Variants in CRTAP observed in about 807,000 individuals in gnomAD.
The protein encoded by CRTAP is cartilage-associated protein.
In CRTAP, 33 loss-of-function variants were observed where a neutral mutation model predicts 42.7. That is an observed-to-expected ratio of 0.77 (90% CI 0.59 to 1.03). The LOEUF is 1.03. CRTAP is among the 50% of genes least tolerant of loss of function. The pLI is 0.00. For synonymous variants in CRTAP, 243 were observed against 217.7 expected (o/e 1.12, Z -1.02); for missense variants, 613 against 533.9 (o/e 1.15, Z -1.46).
At chr3:33,135,610 A>G (rs1007419419) in intron 6 of CRTAP, among the ~76,000 whole-genome samples, 1 of 151,612 alleles carries the variant, frequency 6.6e-6, no homozygotes, top group African/African-American at 2.4e-5. Flanking sequence ...CTGCCTCAAA[A>G]AAAAAAAAAA....
At position 33,114,260 on chromosome 3, in the gene CRTAP, C is replaced by T; in HGVS notation, c.183C>T (p.Ala61=). 2 of 1,585,034 alleles carry T rather than the reference C, an allele frequency of 1.3e-6. No homozygotes were observed. Among genetic ancestry groups the T allele is most frequent in the Non-Finnish European group, 1.7e-6 (2 of 1,172,246 alleles). ...ALDKYSGEHW[A]ESVGYLEISL... is the part of the protein sequence containing the mutation. ...ACAAGTACAGCGGCGAGCACTGGGC[C>T]GAGAGCGTGGGCTACCTGGAGATCA... is the stretch of plus-strand genomic sequence containing the variant. Residue 61 remains alanine (A), a synonymous_variant, in exon 1 of 7, where the codon GCC becomes GCT. Coordinates refer to ENST00000320954, the MANE Select transcript of CRTAP (RefSeq NM_006371.5).
chr3:33,117,517 A>G (rs1701357098), intron 1 of CRTAP, among the ~76,000 whole-genome samples: 1 of 152,154 alleles, frequency 6.6e-6, no homozygotes. Flanking sequence ...CGAAAAACTC[A>G]TTTTTCTCAT....
intron 1 of CRTAP, among the ~76,000 whole-genome samples, chr3:33,116,729 T>A (rs1299771885): frequency 1.3e-5 from 2 of 152,208 alleles, no homozygotes; most frequent in Non-Finnish European, 2.9e-5. Context: ...TTAATAAACG[T>A]GAATGTTACT....
At position 33,114,221 on chromosome 3, in the gene CRTAP, C is replaced by A. The variant is rs1381241803; in HGVS notation, c.144C>A (p.Tyr48Ter). 6.3e-7 allele frequency: 1 copy of A among 1,592,746 alleles called. No individual in the cohort carries two copies. Among genetic ancestry groups the A allele is most frequent in the Non-Finnish European group, 8.5e-7 (1 of 1,175,708 alleles). Reference protein sequence around the residue: ...RDELMPLESAYRHALDKYSGE... With the variant: ...RDELMPLESA Reference sequence around the variant, plus strand: ...AGCTGATGCCGCTCGAGTCGGCCTACCGGCACGCGCTGGACAAGTACAGCG... The same window carrying A: ...AGCTGATGCCGCTCGAGTCGGCCTAACGGCACGCGCTGGACAAGTACAGCG... Residue 48 changes from tyrosine to a stop codon, truncating the protein, a stop_gained, in exon 1 of 7, where the codon TAC (tyrosine) becomes TAA (stop). Coordinates refer to ENST00000320954, the MANE Select transcript of CRTAP (RefSeq NM_006371.5). LOFTEE classifies it high-confidence loss of function.
chr3:33,116,766 GAA>G (rs1701347444), intron 1 of CRTAP, among the ~76,000 whole-genome samples: 1 of 152,168 alleles, frequency 6.6e-6, no homozygotes, highest in African/African-American at 2.4e-5. Flanking sequence ...AGATATAACT[GAA>G]AAAGTAATTT....
intron 1 of CRTAP, 92 bp downstream of exon 1, chr3:33,114,640 C>A: frequency 8.0e-7 from 1 of 1,253,726 alleles, no homozygotes; most frequent in Non-Finnish European, 1.1e-6. Flanking sequence ...GGCCGCGTTG[C>A]CCCTCCAGTT....
Position 33,132,612 on chromosome 3 carries a change from A to T in CRTAP, c.980A>T (p.Asn327Ile). 2 of 1,614,172 alleles carry T rather than the reference A, an allele frequency of 1.2e-6. No homozygotes were observed. The highest frequency in any genetic ancestry group is 2.2e-5 in the South Asian group (2 of 91,080). The change falls in exon 5 of 7, where the codon AAT becomes ATT. Residue 327 changes from asparagine to isoleucine, a missense_variant. Asn to Ile is a moderately radical substitution (Grantham distance 149). Coordinates refer to ENST00000320954, the MANE Select transcript of CRTAP (RefSeq NM_006371.5). Reference sequence around the variant, plus strand: ...GTCAGCTATCTGCTCTTTGATCAGAATGACAAGGTCATGCAGCAGAACCTG... The same window carrying T: ...GTCAGCTATCTGCTCTTTGATCAGATTGACAAGGTCATGCAGCAGAACCTG... ...CAVSYLLFDQ[N>I]DKVMQQNLVY...
At chr3:33,140,863 C>T (rs368583161) in intron 6 of CRTAP, among the ~76,000 whole-genome samples, 10 of 152,342 alleles carry the variant, frequency 6.6e-5, no homozygotes, top group East Asian at 5.8e-4. Context: ...AGTCAAGCTT[C>T]GCCTGCTCCC....
chr3:33,115,561 GTGGGTC>G (rs1160618152), intron 1 of CRTAP, among the ~76,000 whole-genome samples: 17 of 152,032 alleles, frequency 1.1e-4, no homozygotes, highest in Non-Finnish European at 2.1e-4. Flanking sequence ...CTCTAGCTTG[GTGGGTC>G]CTCACAGGGT....
chr3:33,120,823 A>G (rs1170402031), intron 2 of CRTAP, among the ~76,000 whole-genome samples: 2 of 152,186 alleles, frequency 1.3e-5, no homozygotes. Context: ...ATAGAAACAT[A>G]AATCTCCAGT....
At chr3:33,117,972 C>G (rs529889067) in intron 1 of CRTAP, among the ~76,000 whole-genome samples, 2 of 151,710 alleles carry the variant, frequency 1.3e-5, no homozygotes, top group Non-Finnish European at 2.9e-5. Flanking sequence ...TTCTTTCTTT[C>G]TTTTTTGAGA....
chr3:33,120,236 A>G, intron 1 of CRTAP, 108 bp from the exon 2 acceptor site: 1 of 1,026,738 alleles, frequency 9.7e-7, no homozygotes, highest in Non-Finnish European at 1.5e-6. Flanking sequence ...TTTAGCTGGA[A>G]AAGTTATAGC....
chr3:33,124,419 C>G lies in CRTAP; in HGVS notation c.633C>G (p.Ile211Met), dbSNP rs373058558. Reference sequence around the variant, plus strand: ...TCCATGCCTTTCAGAGCCTGTTCATCCGAGCAGTGCGGGCATACAACGGTG... The same window carrying G: ...TCCATGCCTTTCAGAGCCTGTTCATGCGAGCAGTGCGGGCATACAACGGTG... ...LETKSYESLFIRAVRAYNGEN... is the reference protein window; with the variant it reads ...LETKSYESLFMRAVRAYNGEN... The change falls in exon 3 of 7, where the codon ATC (isoleucine) becomes ATG (methionine). Residue 211 changes from isoleucine (I) to methionine (M), a missense_variant. Coordinates refer to ENST00000320954, the MANE Select transcript of CRTAP (RefSeq NM_006371.5). The G allele has an allele frequency of 6.2e-7, 1 of 1,614,146 alleles. No homozygotes were observed. Among genetic ancestry groups the G allele is most frequent in the Non-Finnish European group, 8.5e-7 (1 of 1,180,036 alleles).
In CRTAP at chr3:33,129,984, A is replaced by C; in HGVS notation, c.839A>C (p.Asn280Thr). Residue 280 changes from asparagine to threonine, a missense_variant, in exon 4 of 7, where the codon AAC (asparagine) becomes ACC (threonine). Transcript: ENST00000320954. ...VLECKIQCEE[N>T]LTPVIGGYPV... is the part of the protein sequence containing the mutation. ...GAATGCAAAATACAGTGTGAAGAGA[A>C]CCTCACCCCAGTTATAGGAGGCTAT... 6.2e-7 allele frequency: 1 copy of C among 1,613,152 alleles called. No homozygotes were observed. Among genetic ancestry groups the C allele is most frequent in the Non-Finnish European group, 8.5e-7 (1 of 1,179,168 alleles).
In CRTAP at chr3:33,126,988, G is replaced by A. The variant is rs199999836; in HGVS notation, c.793+2409G>A. Among the ~76,000 whole-genome samples the A allele has an allele frequency of 4.6e-5, 7 of 152,214 alleles. No homozygotes were observed. In the East Asian group the frequency reaches 1.4e-3, roughly 29 times the overall value. ...TGGCTTAGTGAAACAACAGAGCAAA[G>A]GAAACAACCATATATACATTTGTTC... On this transcript the variant is annotated intron_variant, in intron 3 of 6. Coordinates refer to ENST00000320954, the MANE Select transcript of CRTAP (RefSeq NM_006371.5).
intron 3 of CRTAP, among the ~76,000 whole-genome samples, chr3:33,129,417 A>T (rs932481888): frequency 6.6e-6 from 1 of 151,904 alleles, no homozygotes; most frequent in East Asian, 1.9e-4. Flanking sequence ...AATAATTTCT[A>T]TTAATATCAT....
intron 4 of CRTAP, 80 bp from the exon 5 acceptor site, chr3:33,132,475 T>C (rs1469133742): frequency 6.3e-7 from 1 of 1,587,722 alleles, no homozygotes; most frequent in African/African-American, 1.3e-5. Flanking sequence ...CTTGTTCATA[T>C]GGCCTTTTTG....
chr3:33,134,830 C>G (rs2030376535), intron 6 of CRTAP, among the ~76,000 whole-genome samples: 1 of 152,050 alleles, frequency 6.6e-6, no homozygotes, highest in South Asian at 2.1e-4. Context: ...TTGTTTGGAA[C>G]AAACTGGAAA....
Position 33,141,324 on chromosome 3 carries a change from T to C in CRTAP, c.1153-1071T>C, listed in dbSNP as rs77039987. ...TACACATAATCCCTCTACTATGCTG[T>C]GTTTTCCTTTTGGGGTCTAGAAAGC... On this transcript the variant is annotated intron_variant, in intron 6 of 6. Coordinates refer to ENST00000320954, the MANE Select transcript of CRTAP (RefSeq NM_006371.5). 5.2e-3 allele frequency among the ~76,000 whole-genome samples: 790 copies of C among 152,374 alleles called. 6 individuals are homozygous for C. The highest frequency in any genetic ancestry group is 0.018 in the African/African-American group (754 of 41,592).
Sources: gnomAD v4.1 joint callset for allele counts (sites outside exome capture counted in the v4.1 genomes callset) on GRCh38, gnomAD v4.1.1 for gene constraint, MANE v1.5 for transcripts, NCBI Gene and HGNC (gene_info 2026-07-23, HGNC 2026-07-21) for gene names.